The following MEIKIN variants were observed in gnomAD, a reference collection of about 807,000 sequenced individuals.
MEIKIN encodes meiosis-specific kinetochore protein.
chr5:131,828,028 G>A (rs1314759473), intron 11 of MEIKIN, among the ~76,000 whole-genome samples: 2 of 148,940 alleles, frequency 1.3e-5, no homozygotes, highest in Admixed American at 6.7e-5. Context: ...GACAGAGCAA[G>A]ACCCTGTCTC....
chr5:131,942,751 A>G (rs1751894682), intron 3 of MEIKIN, 56 bp from the exon 4 acceptor site: 2 of 396,642 alleles, frequency 5.0e-6, no homozygotes, highest in African/African-American at 2.1e-5. Context: ...CCATTTCTAT[A>G]TTATAATCTT....
chr5:131,861,727 G>T (rs547300169), intron 9 of MEIKIN, among the ~76,000 whole-genome samples: 2 of 152,168 alleles, frequency 1.3e-5, no homozygotes, highest in South Asian at 4.1e-4. Context: ...TTTTGTTCTT[G>T]GTTCTGTTAA....
intron 8 of MEIKIN, among the ~76,000 whole-genome samples, chr5:131,886,953 TC>T (rs1750808609): frequency 1.8e-5 from 1 of 55,706 alleles, no homozygotes; most frequent in Admixed American, 2.9e-4. Context: ...CCCTCCCCCC[TC>T]CCCCCACCCT....
intron 12 of MEIKIN, among the ~76,000 whole-genome samples, chr5:131,811,760 C>G (rs1359275297): frequency 6.6e-6 from 1 of 152,178 alleles, no homozygotes; most frequent in Non-Finnish European, 1.5e-5. Flanking sequence ...GTGCCCATCA[C>G]CACGCCCAGC....
intron 9 of MEIKIN, among the ~76,000 whole-genome samples, chr5:131,872,534 A>C (rs1239820534): frequency 6.6e-6 from 1 of 152,258 alleles, no homozygotes; most frequent in Non-Finnish European, 1.5e-5. Flanking sequence ...GGTGTACCTG[A>C]AAGTGACGGG....
At chr5:131,841,222 T>G (rs1273221099) in intron 11 of MEIKIN, among the ~76,000 whole-genome samples, 2 of 152,056 alleles carry the variant, frequency 1.3e-5, no homozygotes, top group Non-Finnish European at 2.9e-5. Context: ...CTGCACTGGG[T>G]GAGAGTGGTT....
intron 12 of MEIKIN, among the ~76,000 whole-genome samples, chr5:131,810,436 T>C (rs575257734): frequency 6.6e-6 from 1 of 152,354 alleles, no homozygotes; most frequent in African/African-American, 2.4e-5. Flanking sequence ...GTGTCCTCTC[T>C]TGGGTTCCTA....
Position 131,874,845 on chromosome 5 carries a change from A to C in MEIKIN, c.774+4133T>G, listed in dbSNP as rs1056806069. Among the ~76,000 whole-genome samples the C allele has an allele frequency of 4.9e-4, 74 of 152,314 alleles. 1 individual carries two copies. The highest frequency in any genetic ancestry group is 5.2e-4 in the Admixed American group (8 of 15,296). ...GGATGCAAGGCTGGTTCAACGTACG[A>C]AAATCAATAAATGTAATCCAGCATA... On this transcript the variant is annotated intron_variant, in intron 9 of 12. Transcript: ENST00000442687.
At chr5:131,911,694 G>A (rs1421835259) in intron 8 of MEIKIN, 121 bp downstream of exon 8, 6 of 382,102 alleles carry the variant, frequency 1.6e-5, no homozygotes, top group South Asian at 1.5e-4. Flanking sequence ...AAAAGTACTC[G>A]GTTCACTGGG....
chr5:131,875,196 G>T (rs1750590293), intron 9 of MEIKIN, among the ~76,000 whole-genome samples: 1 of 152,198 alleles, frequency 6.6e-6, no homozygotes, highest in South Asian at 2.1e-4. Context: ...AAAAGAGGAA[G>T]TCAAATTGTC....
chr5:131,900,836 C>T (rs1751144066), intron 8 of MEIKIN, among the ~76,000 whole-genome samples: 2 of 152,154 alleles, frequency 1.3e-5, no homozygotes, highest in Admixed American at 1.3e-4. Flanking sequence ...TGGTACAGAG[C>T]TCCAGGAGAG....
intron 11 of MEIKIN, among the ~76,000 whole-genome samples, chr5:131,848,862 C>T (rs1157217130): frequency 6.6e-6 from 1 of 151,936 alleles, no homozygotes; most frequent in Non-Finnish European, 1.5e-5. Flanking sequence ...AAGGATGGTT[C>T]AACATACAAA....
intron 5 of MEIKIN, among the ~76,000 whole-genome samples, chr5:131,929,632 C>A (rs1338569688): frequency 6.6e-6 from 1 of 151,968 alleles, no homozygotes; most frequent in Non-Finnish European, 1.5e-5. Context: ...ATTTTGTCAC[C>A]CAGATAGTGA....
chr5:131,809,624 G>C (rs560563571), intron 12 of MEIKIN, among the ~76,000 whole-genome samples: 1 of 152,002 alleles, frequency 6.6e-6, no homozygotes, highest in Non-Finnish European at 1.5e-5. Flanking sequence ...CTGGACAACA[G>C]ATGAAACCCT....
intron 11 of MEIKIN, among the ~76,000 whole-genome samples, chr5:131,830,313 A>T (rs1210571718): frequency 6.6e-6 from 1 of 152,198 alleles, no homozygotes; most frequent in Non-Finnish European, 1.5e-5. Context: ...GAGAGGATCA[A>T]TTGAGCCTGG....
At chr5:131,818,049 A>G (rs192863185) in intron 12 of MEIKIN, among the ~76,000 whole-genome samples, 179 of 152,344 alleles carry the variant, frequency 1.2e-3, no homozygotes, top group African/African-American at 4.2e-3. Flanking sequence ...ATTCCTCTCT[A>G]CCACTTGAAG....
intron 6 of MEIKIN, 109 bp downstream of exon 6, chr5:131,921,713 T>C (rs1751508248): frequency 5.1e-6 from 2 of 394,720 alleles, no homozygotes; most frequent in South Asian, 1.4e-4. Flanking sequence ...ATATTATCTG[T>C]AGCCAAAGGC....
At position 131,944,735 on chromosome 5, in the gene MEIKIN, G is replaced by GTAAC. The variant is rs1751932352; in HGVS notation, c.214_217dup (p.Thr73SerfsTer11). The GTAAC allele has an allele frequency of 2.5e-6, 1 of 398,962 alleles. No homozygotes were observed. The highest frequency in any genetic ancestry group is 1.3e-4 in the South Asian group (1 of 7,868). The allele number at this position is 398,962 out of a possible 1,614,324, so 24.7% of individuals were successfully genotyped here. On this transcript the variant is annotated frameshift_variant, in exon 3 of 13. Coordinates refer to ENST00000442687, the MANE Select transcript of MEIKIN (RefSeq NM_001303622.2). LOFTEE classifies it high-confidence loss of function. ...ATTTTCTTGCAGGCTTTTCTCTCCT[G>GTAAC]TAACTCCTAAGCGAGGGCTAACAAA...
intron 8 of MEIKIN, among the ~76,000 whole-genome samples, chr5:131,886,300 T>C (rs1230087444): frequency 2.0e-5 from 3 of 151,984 alleles, no homozygotes; most frequent in African/African-American, 7.2e-5. Flanking sequence ...GATATCAATA[T>C]CAAGTACAAG....
Sources: gnomAD v4.1 joint callset for allele counts (sites outside exome capture counted in the v4.1 genomes callset) on GRCh38, gnomAD v4.1.1 for gene constraint, MANE v1.5 for transcripts, NCBI Gene and HGNC (gene_info 2026-07-23, HGNC 2026-07-21) for gene names.